The following ALOX12B variants were observed in gnomAD, a reference collection of about 807,000 sequenced individuals.
ALOX12B encodes the protein arachidonate 12-lipoxygenase, 12R-type.
In ALOX12B, 47 loss-of-function variants were observed where a neutral mutation model predicts 78.9. That is an observed-to-expected ratio of 0.60 (90% CI 0.47 to 0.76). The LOEUF is 0.76. Among genes scored for constraint, ALOX12B ranks in the 30% least tolerant of loss-of-function variants. The probability of loss-of-function intolerance (pLI) is 0.00; values close to 1 mark genes in which losing one functional copy is unlikely to be tolerated. For missense variants in ALOX12B, 805 were observed against 922.6 expected (o/e 0.87, Z 1.65); for synonymous variants, 370 against 374.5 (o/e 0.99, Z 0.14).
chr17:8,074,965 T>C (rs1751692795), intron 12 of ALOX12B, among the ~76,000 whole-genome samples: 1 of 152,232 alleles, frequency 6.6e-6, no homozygotes, highest in Non-Finnish European at 1.5e-5. Context: ...AGCTAGATCT[T>C]AGCTTGCTGC....
chr17:8,078,894 CTTTTT>C (rs398030274), intron 8 of ALOX12B, among the ~76,000 whole-genome samples: 270 of 115,266 alleles, frequency 2.3e-3, no homozygotes, highest in South Asian at 2.4e-3. Flanking sequence ...AATACTGGGA[CTTTTT>C]TTTTTTTTTT....
rs116451392 is a variant in ALOX12B at position 8,073,954 on chromosome 17, G to A, written c.1655-197C>T. Among the ~76,000 whole-genome samples the A allele has an allele frequency of 8.7e-3, 1,331 of 152,232 alleles. 26 individuals are homozygous for A. The highest frequency in any genetic ancestry group is 0.031 in the African/African-American group (1,277 of 41,540). The stretch of plus-strand genomic sequence containing the variant: ...TCACCCAGATCATAAGGCTGGGGAC[G>A]GAGGACTTGGCCAGAAGTCCTCCAG... On this transcript the variant is annotated intron_variant, in intron 12 of 14. Coordinates refer to ENST00000647874, the MANE Select transcript of ALOX12B (RefSeq NM_001139.3).
Position 8,080,036 on chromosome 17 carries a change from G to A in ALOX12B, c.755-95C>T. 6.5e-7 allele frequency: 1 copy of A among 1,545,914 alleles called. No homozygotes were observed. The highest frequency in any genetic ancestry group is 8.8e-7 in the Non-Finnish European group (1 of 1,135,344). On this transcript the variant is annotated intron_variant, in intron 6 of 14. Coordinates refer to ENST00000647874, the MANE Select transcript of ALOX12B (RefSeq NM_001139.3). The surrounding 1 kb of genome is among the most constrained non-coding windows in gnomAD (Gnocchi z 4.8). The stretch of plus-strand genomic sequence containing the variant: ...AAGAAGACTATGGGCACCGAGAGGA[G>A]TCGGGGAGGAAAACGAGGCCCCCAG...
chr17:8,075,072 C>T (rs1045255650), intron 12 of ALOX12B, among the ~76,000 whole-genome samples: 1 of 151,224 alleles, frequency 6.6e-6, no homozygotes, highest in Non-Finnish European at 1.5e-5. Flanking sequence ...ACCTGCCACC[C>T]CAGACTGTGA....
At position 8,079,574 on chromosome 17, in the gene ALOX12B, C is replaced by A. The variant is rs769530468; in HGVS notation, c.928-35G>T. ...AGCCGCGATGGGTGGCAAGTAGGCACCCACACGGGAAGCCCGTGACCCGCG... is the reference window on the plus strand; with the variant it reads ...AGCCGCGATGGGTGGCAAGTAGGCAACCACACGGGAAGCCCGTGACCCGCG... On this transcript the variant is annotated intron_variant, in intron 7 of 14. Coordinates refer to ENST00000647874, the MANE Select transcript of ALOX12B (RefSeq NM_001139.3). The surrounding 1 kb of genome is among the most constrained non-coding windows in gnomAD (Gnocchi z 6.4). The A allele has an allele frequency of 1.7e-4, 259 of 1,548,728 alleles. No homozygotes were observed. The highest frequency in any genetic ancestry group is 2.1e-4 in the Non-Finnish European group (240 of 1,146,236).
At chr17:8,082,943 G>A (rs376388095) in intron 2 of ALOX12B, among the ~76,000 whole-genome samples, 18 of 152,240 alleles carry the variant, frequency 1.2e-4, no homozygotes, top group African/African-American at 2.2e-4. Context: ...TGACCCCTTC[G>A]TCACAACTGC....
At chr17:8,081,863 G>A (rs143850607) in intron 2 of ALOX12B, among the ~76,000 whole-genome samples, 1,553 of 152,138 alleles carry the variant, frequency 0.01, 22 homozygotes, top group African/African-American at 0.035. Flanking sequence ...GGGTGGTCTC[G>A]AACTCCTGAC....
At position 8,087,631 on chromosome 17, in the gene ALOX12B, C is replaced by T; in HGVS notation, c.-189G>A. The T allele has an allele frequency of 1.0e-6, 1 of 971,762 alleles. No homozygotes were observed. Among genetic ancestry groups the T allele is most frequent in the Non-Finnish European group, 1.5e-6 (1 of 653,184 alleles). The allele number at this position is 971,762 out of a possible 1,614,324, so 60.2% of individuals were successfully genotyped here. A position where few individuals can be genotyped will look rare whatever the true frequency, so the allele number is the denominator to read the frequency against. On this transcript the variant is annotated 5_prime_UTR_variant, in exon 1 of 15. Transcript: ENST00000647874. ...AGCCAAATTCTGGAAAAGCTGCTGCCCTTGGTGGCCGGGGTGGGTGCCGGG... is the reference window on the plus strand; with the variant it reads ...AGCCAAATTCTGGAAAAGCTGCTGCTCTTGGTGGCCGGGGTGGGTGCCGGG...
At position 8,073,329 on chromosome 17, in the gene ALOX12B, G is replaced by A; in HGVS notation, c.1756-11C>T. 3 of 1,614,118 alleles carry A rather than the reference G, an allele frequency of 1.9e-6. No individual in the cohort carries two copies. Among genetic ancestry groups the A allele is most frequent in the Non-Finnish European group, 2.5e-6 (3 of 1,180,048 alleles). ...GGCGGTGAACTCCATCTGGAGGTGG[G>A]ATAGAGGCGCGGGTCTGGGTGGAAG... On this transcript the variant is annotated splice_polypyrimidine_tract_variant and intron_variant, in intron 13 of 14. Transcript: ENST00000647874.
At position 8,087,490 on chromosome 17, in the gene ALOX12B, G is replaced by T. The variant is rs370936922; in HGVS notation, c.-48C>A. On this transcript the variant is annotated 5_prime_UTR_variant, in exon 1 of 15. Coordinates refer to ENST00000647874, the MANE Select transcript of ALOX12B (RefSeq NM_001139.3). ...GGGGCACTCAGTCCCAGACACCGTGGAGGGGCCACACGAAGGCCCAAGGCA... is the reference window on the plus strand; with the variant it reads ...GGGGCACTCAGTCCCAGACACCGTGTAGGGGCCACACGAAGGCCCAAGGCA... 1,289 of 1,613,170 alleles carry T rather than the reference G, an allele frequency of 8.0e-4. 6 individuals are homozygous for T. The Middle Eastern group carries it at 0.011, about 13-fold the overall frequency.
At chr17:8,085,132 T>C (rs950800732) in intron 2 of ALOX12B, among the ~76,000 whole-genome samples, 6 of 152,204 alleles carry the variant, frequency 3.9e-5, no homozygotes, top group Non-Finnish European at 8.8e-5. Context: ...AGAAATATGG[T>C]GTCCTGTTGG....
chr17:8,077,154 G>T lies in ALOX12B; in HGVS notation c.1111C>A (p.Pro371Thr), dbSNP rs1331243295. ...TPGPDCPIFL[P>T]SDSEWDWLLA... ...AGCCAGTCCCACTCAGAATCACTGG[G>T]CAGGAAGATGGGGCAATCTGGCCCA... Residue 371 changes from proline (P) to threonine (T), a missense_variant, in exon 9 of 15, where the codon CCC becomes ACC. Physicochemically the swap from Pro to Thr is conservative, Grantham distance 38. Transcript: ENST00000647874. 3 of 1,613,640 alleles carry T rather than the reference G, an allele frequency of 1.9e-6. No individual in the cohort carries two copies. Among genetic ancestry groups the T allele is most frequent in the Non-Finnish European group, 2.5e-6 (3 of 1,179,952 alleles).
intron 2 of ALOX12B, among the ~76,000 whole-genome samples, chr17:8,084,153 C>CA (rs34321774): frequency 0.66 from 99,448 of 149,586 alleles, 32,931 homozygotes; most frequent in Admixed American, 0.73. Context: ...GACTCCATCT[C>CA]AAAAAAAAAA....
intron 2 of ALOX12B, 82 bp downstream of exon 2, chr17:8,085,934 G>A (rs1203717263): frequency 3.0e-5 from 46 of 1,536,868 alleles, no homozygotes; most frequent in Non-Finnish European, 4.1e-5. Flanking sequence ...GGCTTGATGG[G>A]AGCCTGGGTG....
At position 8,080,411 on chromosome 17, in the gene ALOX12B, G is replaced by GC; in HGVS notation, c.651-74dup. On this transcript the variant is annotated intron_variant, in intron 5 of 14. Transcript: ENST00000647874. This position sits in a 1 kb window ranked among gnomAD's most constrained non-coding sequence, Gnocchi z 4.8. ...GCCGGCTGGGGCAGGTGGCGGGGCC[G>GC]CCCCATCCACTTAGGTCTCTGGGTC... 1 of 1,537,580 alleles carries GC rather than the reference G, an allele frequency of 6.5e-7. No homozygotes were observed. Among genetic ancestry groups the GC allele is most frequent in the Non-Finnish European group, 9.0e-7 (1 of 1,111,072 alleles).
chr17:8,073,173 G>A lies in ALOX12B; in HGVS notation c.1901C>T (p.Thr634Ile). 16 of 1,614,150 alleles carry A rather than the reference G, an allele frequency of 9.9e-6. No individual in the cohort carries two copies. Among genetic ancestry groups the A allele is most frequent in the Non-Finnish European group, 1.4e-5 (16 of 1,180,036 alleles). The change falls in exon 14 of 15, where the codon ACC becomes ATC. Residue 634 changes from threonine to isoleucine, a missense_variant. By Grantham distance (89) the Thr-to-Ile change is moderately conservative. Coordinates refer to ENST00000647874, the MANE Select transcript of ALOX12B (RefSeq NM_001139.3). ...TTCITLLVLW[T>I]LSREPDDRRP... Reference sequence around the variant, plus strand: ...CCTGTCGTCAGGCTCTCGGCTGAGGGTCCAGAGCACCAGCAGCGTGATGCA... The same window carrying A: ...CCTGTCGTCAGGCTCTCGGCTGAGGATCCAGAGCACCAGCAGCGTGATGCA...
Position 8,073,338 on chromosome 17 carries a change from G to C in ALOX12B, c.1756-20C>G. ...CTCCATCTGGAGGTGGGATAGAGGC[G>C]CGGGTCTGGGTGGAAGAGTACCTCA... On this transcript the variant is annotated intron_variant, in intron 13 of 14. Transcript: ENST00000647874. The C allele has an allele frequency of 6.2e-7, 1 of 1,613,970 alleles. No homozygotes were observed. Among genetic ancestry groups the C allele is most frequent in the Non-Finnish European group, 8.5e-7 (1 of 1,180,032 alleles).
chr17:8,073,046 C>A, intron 14 of ALOX12B, 96 bp from the exon 15 acceptor site: 3 of 1,599,216 alleles, frequency 1.9e-6, no homozygotes, highest in Non-Finnish European at 1.7e-6. Context: ...GTTTCAGTGG[C>A]CTCTCACTCC....
chr17:8,083,119 T>TG (rs1447809233), intron 2 of ALOX12B, among the ~76,000 whole-genome samples: 1 of 152,194 alleles, frequency 6.6e-6, no homozygotes, highest in Non-Finnish European at 1.5e-5. Context: ...TATATTTGAT[T>TG]GGGGTGCCCT....
Sources: allele counts gnomAD v4.1 joint callset (sites outside exome capture counted in the v4.1 genomes callset), GRCh38; gene constraint gnomAD v4.1.1; non-coding constraint Gnocchi (gnomAD v3.1); transcripts MANE v1.5; gene names NCBI Gene and HGNC (gene_info 2026-07-23, HGNC 2026-07-21).